ROR2: variants seen among roughly 807,000 people sequenced by gnomAD.
ROR2 encodes the protein ROR family WNT receptor 2.
A neutral mutation model predicts 74.9 loss-of-function variants in ROR2; 33 were observed. The ratio of observed to expected loss-of-function variants is 0.44; its 90% CI spans 0.33 to 0.59. The LOEUF (loss-of-function observed/expected upper bound fraction) is 0.59, where lower values mean the gene tolerates loss of function less well. ROR2 is among the 20% of genes least tolerant of loss of function. The pLI, the probability that ROR2 is intolerant of heterozygous loss-of-function variation, is 0.02. For missense variants in ROR2, 1,216 were observed against 1,313.8 expected (o/e 0.93, Z 1.15); for synonymous variants, 586 against 558.7 (o/e 1.05, Z -0.69).
intron 1 of ROR2, among the ~76,000 whole-genome samples, chr9:91,844,718 A>G (rs1828873721): frequency 6.6e-6 from 1 of 152,182 alleles, no homozygotes. Flanking sequence ...CGTGGCTACC[A>G]GAACCTACAC....
intron 1 of ROR2, among the ~76,000 whole-genome samples, chr9:91,826,237 T>C (rs945122637): frequency 2.0e-5 from 3 of 152,182 alleles, no homozygotes; most frequent in South Asian, 2.1e-4. Flanking sequence ...GTATGGAGCA[T>C]AGAACATGGT....
intron 1 of ROR2, among the ~76,000 whole-genome samples, chr9:91,899,647 G>A (rs903487186): frequency 2.6e-5 from 4 of 152,116 alleles, no homozygotes; most frequent in African/African-American, 9.7e-5. Flanking sequence ...ATGGGGAGGA[G>A]GGGGCAGCTG....
intron 1 of ROR2, among the ~76,000 whole-genome samples, chr9:91,866,601 G>T (rs564840953): frequency 6.6e-6 from 1 of 151,978 alleles, no homozygotes; most frequent in Admixed American, 6.6e-5. Context: ...CCAGCTGCAT[G>T]TTTTAAAGCG....
At chr9:91,740,606 A>G (rs1825202740) in intron 4 of ROR2, among the ~76,000 whole-genome samples, 1 of 151,610 alleles carries the variant, frequency 6.6e-6, no homozygotes, top group African/African-American at 2.4e-5. Context: ...ATATATCCCC[A>G]AAAAGCCAGA....
intron 1 of ROR2, among the ~76,000 whole-genome samples, chr9:91,887,615 G>A (rs190827107): frequency 1.8e-4 from 27 of 151,978 alleles, no homozygotes; most frequent in African/African-American, 6.5e-4. Context: ...GTTTCCTTGC[G>A]CCCTTATCTG....
intron 1 of ROR2, among the ~76,000 whole-genome samples, chr9:91,941,226 T>C (rs1485893614): frequency 2.0e-5 from 3 of 151,270 alleles, no homozygotes; most frequent in Non-Finnish European, 4.4e-5. Flanking sequence ...CTCGATCTGC[T>C]GACCTCGTGA....
At chr9:91,750,605 A>G (rs1825568386) in intron 4 of ROR2, among the ~76,000 whole-genome samples, 1 of 152,182 alleles carries the variant, frequency 6.6e-6, no homozygotes, top group Admixed American at 6.5e-5. Context: ...AAAACGTGAC[A>G]CTAAGTAGAC....
At chr9:91,868,735 G>A (rs562310943) in intron 1 of ROR2, among the ~76,000 whole-genome samples, 1 of 152,318 alleles carries the variant, frequency 6.6e-6, no homozygotes, top group East Asian at 1.9e-4. Flanking sequence ...ATCACTAAGG[G>A]ATGAAGGTGA....
At chr9:91,757,008 G>A (rs1341471162) in intron 3 of ROR2, among the ~76,000 whole-genome samples, 1 of 152,040 alleles carries the variant, frequency 6.6e-6, no homozygotes, top group African/African-American at 2.4e-5. Flanking sequence ...GACCTCAGGT[G>A]ATCCGCCCAC....
At chr9:91,775,568 C>T (rs1481765800) in intron 2 of ROR2, among the ~76,000 whole-genome samples, 173 bp downstream of exon 2, 1 of 152,192 alleles carries the variant, frequency 6.6e-6, no homozygotes, top group Non-Finnish European at 1.5e-5. Flanking sequence ...CCCTCAATGC[C>T]CTCCAAGTCA....
chr9:91,723,077 TC>T lies in ROR2; in HGVS notation c.*584del, dbSNP rs1836854065. ...ACACATTTTGTTGTATCTCAGGAACTCCCATTTCAGAAGCCCCTTGTCTTCC... is the reference window on the plus strand; with the variant it reads ...ACACATTTTGTTGTATCTCAGGAACTCCATTTCAGAAGCCCCTTGTCTTCC... On this transcript the variant is annotated 3_prime_UTR_variant, in exon 9 of 9. Coordinates refer to ENST00000375708, the MANE Select transcript of ROR2 (RefSeq NM_004560.4). 6.2e-6 allele frequency: 1 copy of T among 160,166 alleles called. No individual in the cohort carries two copies. Among genetic ancestry groups the T allele is most frequent in the African/African-American group, 2.4e-5 (1 of 41,552 alleles). 9.9% of individuals were successfully genotyped at this position (160,166 alleles called of 1,614,324 possible).
chr9:91,862,262 G>C (rs901472907), intron 1 of ROR2, among the ~76,000 whole-genome samples: 1 of 152,052 alleles, frequency 6.6e-6, no homozygotes, highest in Non-Finnish European at 1.5e-5. Context: ...CCCAGGAAGC[G>C]GAGCTTGCAG....
At chr9:91,756,573 C>A (rs980557859) in intron 3 of ROR2, among the ~76,000 whole-genome samples, 2 of 152,034 alleles carry the variant, frequency 1.3e-5, no homozygotes, top group African/African-American at 4.8e-5. Context: ...CCAGGTCAGC[C>A]TCGGGCCCTA....
intron 6 of ROR2, among the ~76,000 whole-genome samples, chr9:91,731,510 G>A (rs1033854610): frequency 6.6e-6 from 1 of 152,162 alleles, no homozygotes; most frequent in African/African-American, 2.4e-5. Flanking sequence ...GAAGGGCCTG[G>A]CCCCTCCATC....
chr9:91,934,587 CTGT>C (rs1480050380), intron 1 of ROR2, among the ~76,000 whole-genome samples: 1 of 152,076 alleles, frequency 6.6e-6, no homozygotes, highest in Non-Finnish European at 1.5e-5. Flanking sequence ...CCTCATTTGG[CTGT>C]TGTTCTTTCT....
chr9:91,788,745 A>AT (rs1826878501), intron 1 of ROR2, among the ~76,000 whole-genome samples: 1 of 151,754 alleles, frequency 6.6e-6, no homozygotes, highest in Non-Finnish European at 1.5e-5. Flanking sequence ...GGCACCTGTA[A>AT]TCCCAGCTAC....
At chr9:91,927,846 G>A (rs1271790753) in intron 1 of ROR2, among the ~76,000 whole-genome samples, 1 of 152,074 alleles carries the variant, frequency 6.6e-6, no homozygotes, top group East Asian at 1.9e-4. Flanking sequence ...TTACAGGCGT[G>A]AGCCACCGCG....
intron 1 of ROR2, among the ~76,000 whole-genome samples, chr9:91,939,962 C>A (rs75555389): frequency 6.6e-6 from 1 of 152,140 alleles, no homozygotes; most frequent in Non-Finnish European, 1.5e-5. Context: ...GGCCCCACCC[C>A]ACATTCACCT....
intron 1 of ROR2, among the ~76,000 whole-genome samples, chr9:91,889,399 G>C (rs1218922928): frequency 6.6e-6 from 1 of 152,166 alleles, no homozygotes; most frequent in Non-Finnish European, 1.5e-5. Flanking sequence ...CGCCCCAATA[G>C]GACAGAGAAG....
Sources: gnomAD v4.1 joint callset for allele counts (sites outside exome capture counted in the v4.1 genomes callset) on GRCh38, gnomAD v4.1.1 for gene constraint, MANE v1.5 for transcripts, NCBI Gene and HGNC (gene_info 2026-07-23, HGNC 2026-07-21) for gene names.